KDM4C: variants seen among roughly 807,000 people sequenced by gnomAD.
KDM4C encodes lysine-specific demethylase 4C.
KDM4C carries 81 observed loss-of-function variants against 129.3 expected under a neutral mutation model. That is an observed-to-expected ratio of 0.63 (90% CI 0.52 to 0.75). The LOEUF (loss-of-function observed/expected upper bound fraction) is 0.75. Among genes scored for constraint, KDM4C ranks in the 30% least tolerant of loss-of-function variants. The pLI is 0.00. For missense variants in KDM4C, 1,457 were observed against 1,304.0 expected, an observed-to-expected ratio of 1.12 and a Z score of -1.81; for synonymous variants, 573 against 456.1, an observed-to-expected ratio of 1.26 and a Z score of -3.26.
intron 18 of KDM4C, among the ~76,000 whole-genome samples, chr9:7,126,362 A>T (rs184878182): frequency 6.6e-6 from 1 of 152,340 alleles, no homozygotes; most frequent in Admixed American, 6.5e-5. Flanking sequence ...CATTTGTGTT[A>T]GTTTTTCTAG....
At chr9:6,868,016 A>G (rs1842314376) in intron 5 of KDM4C, among the ~76,000 whole-genome samples, 1 of 152,194 alleles carries the variant, frequency 6.6e-6, no homozygotes, top group East Asian at 1.9e-4. Context: ...AAAACTTTCT[A>G]TACATGAAAG....
intron 15 of KDM4C, among the ~76,000 whole-genome samples, chr9:7,024,937 T>G (rs2132295212): frequency 6.6e-6 from 1 of 152,322 alleles, no homozygotes; most frequent in Non-Finnish European, 1.5e-5. Flanking sequence ...TGAACTAGTT[T>G]ACAGTCCCAC....
chr9:6,999,955 C>G (rs1820432857), intron 12 of KDM4C, among the ~76,000 whole-genome samples: 1 of 152,108 alleles, frequency 6.6e-6, no homozygotes, highest in Admixed American at 6.5e-5. Context: ...TCATAATAAG[C>G]ACATTTATAG....
In KDM4C at chr9:6,837,232, A is replaced by G. The variant is rs562919610; in HGVS notation, c.436-12275A>G. Among the ~76,000 whole-genome samples the G allele has an allele frequency of 9.9e-5, 15 of 152,064 alleles. No homozygotes were observed. In the East Asian group the frequency reaches 1.9e-3, roughly 20 times the overall value. On this transcript the variant is annotated intron_variant, in intron 4 of 21. Coordinates refer to ENST00000381309, the MANE Select transcript of KDM4C (RefSeq NM_015061.6). ...ACCATCATACCCAACTAATTTTTGTATTTTTTGTCGAGATGGGGTTTCGCC... is the reference window on the plus strand; with the variant it reads ...ACCATCATACCCAACTAATTTTTGTGTTTTTTGTCGAGATGGGGTTTCGCC...
chr9:6,994,464 C>T (rs150970417), intron 12 of KDM4C, among the ~76,000 whole-genome samples: 50 of 152,310 alleles, frequency 3.3e-4, no homozygotes, highest in African/African-American at 1.2e-3. Flanking sequence ...GCTTGGTTCT[C>T]TTGCACCACT....
At chr9:6,724,976 A>G (rs1201585408) in intron 1 of KDM4C, among the ~76,000 whole-genome samples, 1 of 152,082 alleles carries the variant, frequency 6.6e-6, no homozygotes, top group Non-Finnish European at 1.5e-5. Context: ...CTCCCTCCAG[A>G]GGCTCTGGGG....
At position 6,834,568 on chromosome 9, in the gene KDM4C, C is replaced by T. The variant is rs1309932081; in HGVS notation, c.436-14939C>T. ...TCTTCCCCTTCATCGTGTGGCACCC[C>T]AAGCACCAGGGCATGATGGTGGGCA... On this transcript the variant is annotated intron_variant, in intron 4 of 21. Transcript: ENST00000381309. 4.2e-6 allele frequency: 3 copies of T among 715,652 alleles called. No individual in the cohort carries two copies. The Admixed American group carries it at 5.5e-5, about 13-fold the overall frequency. 44.3% of individuals were successfully genotyped at this position (715,652 alleles called of 1,614,324 possible).
rs560559136 is a variant in KDM4C, at chr9:7,156,076, T to C, written c.2782-9162T>C. On this transcript the variant is annotated intron_variant, in intron 19 of 21. Transcript: ENST00000381309. ...CTAACTGGTGTGAGATGGTATCTTG[T>C]GGTTTTGATTTGCATTTCTCTGATG... Among the ~76,000 whole-genome samples, 100 of 152,334 alleles carry C rather than the reference T, an allele frequency of 6.6e-4. 1 individual carries two copies. In the South Asian group the frequency reaches 0.011, roughly 17 times the overall value.
At position 6,814,453 on chromosome 9, in the gene KDM4C, T is replaced by G. The variant is rs557782467; in HGVS notation, c.321-178T>G. On this transcript the variant is annotated intron_variant, in intron 3 of 21. Coordinates refer to ENST00000381309, the MANE Select transcript of KDM4C (RefSeq NM_015061.6). ...AGTAATATTGAGTATTCAGCAATCTTAAGACTATTCAGATAGCTATGTAAA... is the reference window on the plus strand; with the variant it reads ...AGTAATATTGAGTATTCAGCAATCTGAAGACTATTCAGATAGCTATGTAAA... 2.6e-4 allele frequency among the ~76,000 whole-genome samples: 39 copies of G among 152,356 alleles called. No individual in the cohort carries two copies. The South Asian group carries it at 7.9e-3, about 31-fold the overall frequency.
At chr9:6,827,595 G>A (rs1262404201) in intron 4 of KDM4C, among the ~76,000 whole-genome samples, 1 of 152,192 alleles carries the variant, frequency 6.6e-6, no homozygotes. Context: ...TCCAAATGAG[G>A]TAAAACAGTT....
At chr9:6,902,697 T>A (rs983945627) in intron 8 of KDM4C, 11 of 152,100 alleles carry the variant, frequency 7.2e-5, no homozygotes, top group African/African-American at 2.7e-4. Context: ...GGAAGACTGG[T>A]GGAGTTCAGG....
chr9:6,894,502 G>A (rs900870426), intron 8 of KDM4C, among the ~76,000 whole-genome samples: 2 of 152,152 alleles, frequency 1.3e-5, no homozygotes, highest in Non-Finnish European at 2.9e-5. Flanking sequence ...GTTATAACAA[G>A]GTCTGTTATT....
chr9:6,734,588 C>G (rs1817461252), intron 1 of KDM4C: 1 of 226,680 alleles, frequency 4.4e-6, no homozygotes, highest in Non-Finnish European at 8.6e-6. Flanking sequence ...GTCACCATGC[C>G]TGGCCTGCAT....
intron 8 of KDM4C, among the ~76,000 whole-genome samples, chr9:6,917,761 C>A (rs929531018): frequency 6.6e-6 from 1 of 152,178 alleles, no homozygotes; most frequent in African/African-American, 2.4e-5. Flanking sequence ...AGACTGCACA[C>A]AGCACATTTT....
intron 3 of KDM4C, among the ~76,000 whole-genome samples, chr9:6,813,652 A>G (rs952760228): frequency 1.3e-5 from 2 of 152,314 alleles, no homozygotes; most frequent in South Asian, 2.1e-4. Context: ...CTGAAGAAAC[A>G]TTGGTATTCC....
chr9:6,893,009 T>A lies in KDM4C; in HGVS notation c.784-86T>A. 3 of 1,107,164 alleles carry A rather than the reference T, an allele frequency of 2.7e-6. No individual in the cohort carries two copies. The South Asian group carries it at 8.5e-5, about 31-fold the overall frequency. The allele number at this position is 1,107,164 out of a possible 1,614,324, so 68.6% of individuals were successfully genotyped here. A position where few individuals can be genotyped will look rare whatever the true frequency, so the allele number is the denominator to read the frequency against. ...CTGATATCAAGACTTTTTTTCTTTG[T>A]TTTTTAATGGGAAATATATTTTAAT... On this transcript the variant is annotated intron_variant, in intron 7 of 21. Coordinates refer to ENST00000381309, the MANE Select transcript of KDM4C (RefSeq NM_015061.6).
intron 17 of KDM4C, among the ~76,000 whole-genome samples, chr9:7,062,019 G>A (rs1393537228): frequency 6.6e-6 from 1 of 152,166 alleles, no homozygotes; most frequent in African/African-American, 2.4e-5. Flanking sequence ...CCAGGCTGGA[G>A]TGCAGTGTTG....
chr9:6,803,881 G>C (rs1829476581), intron 2 of KDM4C, among the ~76,000 whole-genome samples: 1 of 152,100 alleles, frequency 6.6e-6, no homozygotes, highest in Non-Finnish European at 1.5e-5. Flanking sequence ...GAGTGCAGTG[G>C]TGTGATCTTG....
At chr9:6,960,881 C>G (rs1829923305) in intron 8 of KDM4C, among the ~76,000 whole-genome samples, 1 of 152,042 alleles carries the variant, frequency 6.6e-6, no homozygotes. Context: ...CAGTTGAGAA[C>G]CACTAGGCTA....
Sources: gnomAD v4.1 joint callset for allele counts (sites outside exome capture counted in the v4.1 genomes callset) on GRCh38, gnomAD v4.1.1 for gene constraint, MANE v1.5 for transcripts, NCBI Gene and HGNC (gene_info 2026-07-23, HGNC 2026-07-21) for gene names.